RERE: variants seen among roughly 807,000 people sequenced by gnomAD.
RERE encodes the protein arginine-glutamic acid dipeptide repeats protein.
RERE carries 40 observed loss-of-function variants against 146.1 expected under a neutral mutation model. That is an observed-to-expected ratio of 0.27 (90% confidence interval 0.21 to 0.36). RERE has a LOEUF of 0.36. RERE is among the 10% of genes least tolerant of loss of function. The pLI is 1.00. For synonymous variants in RERE, 1,003 were observed against 866.0 expected (o/e 1.16, Z -2.78); for missense variants, 1,933 against 2,138.7 (o/e 0.90, Z 1.90).
intron 12 of RERE, among the ~76,000 whole-genome samples, chr1:8,409,388 G>C (rs1263903989): frequency 1.3e-5 from 2 of 152,232 alleles, no homozygotes; most frequent in Non-Finnish European, 2.9e-5. Context: ...AGGCAGCAGA[G>C]AGAAAAGGAG....
At chr1:8,621,140 A>G (rs1646911007) in intron 3 of RERE, among the ~76,000 whole-genome samples, 1 of 152,036 alleles carries the variant, frequency 6.6e-6, no homozygotes, top group South Asian at 2.1e-4. Context: ...TATCATCCAC[A>G]CTCAAGACAT....
chr1:8,358,993 C>T, intron 19 of RERE, 77 bp from the exon 20 acceptor site: 1 of 1,466,058 alleles, frequency 6.8e-7, no homozygotes, highest in Non-Finnish European at 9.0e-7. Context: ...CGGAGGTGGG[C>T]CTGGTCCTGC....
At chr1:8,813,894 C>T (rs373243800) in intron 1 of RERE, among the ~76,000 whole-genome samples, 2 of 152,150 alleles carry the variant, frequency 1.3e-5, no homozygotes, top group Non-Finnish European at 2.9e-5. Flanking sequence ...GGATTACAGG[C>T]GTGAGCCACC....
chr1:8,733,532 T>C (rs1640132867), intron 1 of RERE, among the ~76,000 whole-genome samples: 1 of 152,184 alleles, frequency 6.6e-6, no homozygotes, highest in Non-Finnish European at 1.5e-5. Flanking sequence ...AGGTGCAGTA[T>C]CATGAAGAAA....
At chr1:8,541,418 G>GT (rs1417605535) in intron 6 of RERE, 100 bp from the exon 7 acceptor site, 24 of 661,468 alleles carry the variant, frequency 3.6e-5, no homozygotes, top group African/African-American at 3.2e-4. Context: ...CTAAGTCCAT[G>GT]TGCATGGAGA....
chr1:8,680,588 G>T lies in RERE; in HGVS notation c.-144-24147C>A, dbSNP rs1176140066. On this transcript the variant is annotated intron_variant, in intron 1 of 22. Transcript: ENST00000400908. ...AAGGAAAAGAAGGAAGACAGAGGAG[G>T]AGTCTGAGAAAATCTTAGTTCTTAA... 9.9e-5 allele frequency among the ~76,000 whole-genome samples: 15 copies of T among 152,276 alleles called. 1 individual carries two copies. In the South Asian group the frequency reaches 2.1e-3, roughly 21 times the overall value.
intron 1 of RERE, chr1:8,753,502 TTTTAAAA>T (rs1640579554): frequency 6.6e-6 from 1 of 152,162 alleles, no homozygotes; most frequent in Non-Finnish European, 1.5e-5. Flanking sequence ...ATTTGACGGA[TTTTAAAA>T]GATTTTAAAA....
At chr1:8,740,052 C>G (rs1327839477) in intron 1 of RERE, among the ~76,000 whole-genome samples, 1 of 152,018 alleles carries the variant, frequency 6.6e-6, no homozygotes, top group Non-Finnish European at 1.5e-5. Context: ...TTCTTCAGCT[C>G]TCAACTCTCT....
intron 4 of RERE, among the ~76,000 whole-genome samples, chr1:8,573,650 T>C (rs1281782492): frequency 6.6e-6 from 1 of 152,224 alleles, no homozygotes; most frequent in Non-Finnish European, 1.5e-5. Flanking sequence ...ATTCAAATTA[T>C]TTCGATTACT....
chr1:8,646,982 G>C (rs1045561698), intron 2 of RERE, among the ~76,000 whole-genome samples: 3 of 152,168 alleles, frequency 2.0e-5, no homozygotes, highest in African/African-American at 7.2e-5. Context: ...GCCAGGCATG[G>C]TAATGCATGC....
At chr1:8,677,481 T>C (rs1219284683) in intron 1 of RERE, among the ~76,000 whole-genome samples, 2 of 149,186 alleles carry the variant, frequency 1.3e-5, no homozygotes, top group African/African-American at 5.1e-5. Context: ...AAATTGTTGA[T>C]GCTTCCAACC....
intron 1 of RERE, among the ~76,000 whole-genome samples, chr1:8,765,754 C>T (rs1228609508): frequency 6.6e-6 from 1 of 152,178 alleles, no homozygotes; most frequent in Non-Finnish European, 1.5e-5. Flanking sequence ...GAGATCGAGA[C>T]CATCCTGGCC....
intron 12 of RERE, among the ~76,000 whole-genome samples, chr1:8,398,021 A>G (rs949133497): frequency 3.3e-5 from 5 of 152,250 alleles, no homozygotes; most frequent in African/African-American, 4.8e-5. Context: ...TTCATAAGAC[A>G]ATGCAGAGCC....
At chr1:8,373,128 C>T (rs1199314864) in intron 12 of RERE, among the ~76,000 whole-genome samples, 1 of 152,222 alleles carries the variant, frequency 6.6e-6, no homozygotes, top group Non-Finnish European at 1.5e-5. Context: ...TTGTACGCAC[C>T]TGACCCCATC....
Position 8,707,052 on chromosome 1 carries a change from C to T in RERE, c.-144-50611G>A, listed in dbSNP as rs6677462. ...CTTGGTTCCCATGTTATCTCCCTGG[C>T]CTGGTCTGCACCATTGCTTCTTTTT... is the stretch of plus-strand genomic sequence containing the variant. On this transcript the variant is annotated intron_variant, in intron 1 of 22. Coordinates refer to ENST00000400908, the MANE Select transcript of RERE (RefSeq NM_001042681.2). 2.6e-3 allele frequency among the ~76,000 whole-genome samples: 396 copies of T among 152,342 alleles called. 2 individuals carry two copies. The highest frequency in any genetic ancestry group is 9.0e-3 in the African/African-American group (376 of 41,560).
intron 7 of RERE, among the ~76,000 whole-genome samples, chr1:8,528,903 AGGTTTTGATTG>A (rs1238544320): frequency 2.0e-5 from 3 of 152,186 alleles, no homozygotes; most frequent in African/African-American, 4.8e-5. Flanking sequence ...GCATGAAACA[AGGTTTTGATTG>A]GGTTTTGATT....
At chr1:8,373,269 T>A (rs1390633117) in intron 12 of RERE, among the ~76,000 whole-genome samples, 1 of 152,170 alleles carries the variant, frequency 6.6e-6, no homozygotes, top group African/African-American at 2.4e-5. Flanking sequence ...CTCTACACAA[T>A]GCCTTAACTC....
chr1:8,745,797 C>T (rs1293493869), intron 1 of RERE, among the ~76,000 whole-genome samples: 5 of 152,146 alleles, frequency 3.3e-5, no homozygotes, highest in Non-Finnish European at 5.9e-5. Flanking sequence ...TGGTCGTGAA[C>T]GGTGGCTCAC....
chr1:8,574,806 C>G (rs1357250850), intron 4 of RERE, among the ~76,000 whole-genome samples: 1 of 152,166 alleles, frequency 6.6e-6, no homozygotes, highest in Non-Finnish European at 1.5e-5. Context: ...AGGGTAACCT[C>G]TGGAGTGCAC....
Sources: gnomAD v4.1 joint callset for allele counts (sites outside exome capture counted in the v4.1 genomes callset) on GRCh38, gnomAD v4.1.1 for gene constraint, MANE v1.5 for transcripts, NCBI Gene and HGNC (gene_info 2026-07-23, HGNC 2026-07-21) for gene names.